GPRIN3: variants seen among roughly 807,000 people sequenced by gnomAD.
GPRIN3 encodes the protein GPRIN family member 3, also known as G protein-regulated inducer of neurite outgrowth 3.
In GPRIN3, 12 loss-of-function variants were observed where a neutral mutation model predicts 13.7. The ratio of observed to expected loss-of-function variants is 0.87; its 90% CI spans 0.56 to 1.42. GPRIN3 has a LOEUF of 1.42. Ranked by LOEUF, GPRIN3 falls within the 40% of genes most tolerant of loss-of-function variation. GPRIN3 has a pLI of 0.00. For missense variants in GPRIN3, 1,009 were observed against 958.7 expected (o/e 1.05, Z -0.69); for synonymous variants, 377 against 372.7 (o/e 1.01, Z -0.13).
intron 1 of GPRIN3, among the ~76,000 whole-genome samples, chr4:89,284,690 A>AT (rs1290175936): frequency 6.6e-6 from 1 of 152,162 alleles, no homozygotes; most frequent in South Asian, 2.1e-4. Flanking sequence ...TCGCCTTTGC[A>AT]AAAATTATAT....
rs1722811281 is a variant in GPRIN3, at chr4:89,237,109, A to G, written c.*10671T>C. On this transcript the variant is annotated 3_prime_UTR_variant, in exon 2 of 2. Transcript: ENST00000609438. ...ACTAAAAAAGGTGTAGGGAAATACC[A>G]TTCTTGAGATGCCAGTACTCCCACC... 2 of 152,026 alleles carry G rather than the reference A, an allele frequency of 1.3e-5. No individual in the cohort carries two copies. The highest frequency in any genetic ancestry group is 4.8e-5 in the African/African-American group (2 of 41,384). 9.4% of individuals were successfully genotyped at this position (152,026 alleles called of 1,614,324 possible). A position where few individuals can be genotyped will look rare whatever the true frequency, so the allele number is the denominator to read the frequency against.
chr4:89,265,554 C>T (rs1165765551), intron 1 of GPRIN3, among the ~76,000 whole-genome samples: 1 of 152,146 alleles, frequency 6.6e-6, no homozygotes, highest in African/African-American at 2.4e-5. Flanking sequence ...ACATTTAAAA[C>T]TTTGTGATGA....
intron 1 of GPRIN3, among the ~76,000 whole-genome samples, chr4:89,267,188 C>T (rs1036618885): frequency 6.6e-6 from 1 of 152,148 alleles, no homozygotes; most frequent in Non-Finnish European, 1.5e-5. Flanking sequence ...AGTCGAACCC[C>T]ATAGCCAAGA....
At chr4:89,289,952 T>C (rs1406642753) in intron 1 of GPRIN3, among the ~76,000 whole-genome samples, 2 of 152,008 alleles carry the variant, frequency 1.3e-5, no homozygotes, top group Admixed American at 1.3e-4. Flanking sequence ...TTTGAAACAT[T>C]GCTTCCCATA....
intron 1 of GPRIN3, among the ~76,000 whole-genome samples, chr4:89,287,152 C>T (rs1724445104): frequency 6.6e-6 from 1 of 152,060 alleles, no homozygotes; most frequent in Admixed American, 6.6e-5. Flanking sequence ...AACATATATA[C>T]AAGACATACA....
At chr4:89,251,021 T>TA (rs1006671708) in intron 1 of GPRIN3, 3 of 151,986 alleles carry the variant, frequency 2.0e-5, no homozygotes, top group Non-Finnish European at 2.9e-5. Flanking sequence ...AAAGATGCTA[T>TA]AAAAAATACA....
intron 1 of GPRIN3, among the ~76,000 whole-genome samples, chr4:89,297,909 T>A (rs999001068): frequency 2.0e-5 from 3 of 152,292 alleles, no homozygotes; most frequent in Middle Eastern, 3.4e-3. Flanking sequence ...AATACACTTG[T>A]GTATCACAAA....
At chr4:89,303,487 T>G (rs1490008241) in intron 1 of GPRIN3, among the ~76,000 whole-genome samples, 3 of 152,188 alleles carry the variant, frequency 2.0e-5, no homozygotes, top group Non-Finnish European at 1.5e-5. Context: ...ATTTATGATG[T>G]TATGGCCACT....
chr4:89,249,304 G>A lies in GPRIN3; in HGVS notation c.807C>T (p.Pro269=), dbSNP rs1230339950. ...GACATGCCGAAGGTTCGCTAGTGAG[G>A]GGGGTTGGTTGAGGTGTCACAGAAG... The part of the protein sequence containing the change: ...GTTSVTPQPT[P]LTSEPSACPP... The change falls in exon 2 of 2, where the codon CCC becomes CCT. Residue 269 remains proline, a synonymous_variant. Coordinates refer to ENST00000609438, the MANE Select transcript of GPRIN3 (RefSeq NM_198281.3). 3 of 1,614,106 alleles carry A rather than the reference G, an allele frequency of 1.9e-6. No homozygotes were observed. The highest frequency in any genetic ancestry group is 1.7e-5 in the Admixed American group (1 of 60,026).
intron 1 of GPRIN3, among the ~76,000 whole-genome samples, chr4:89,258,124 C>T (rs59830924): frequency 0.011 from 1,684 of 151,322 alleles, 33 homozygotes; most frequent in African/African-American, 0.038. Context: ...TCCAGACAAA[C>T]GCCAGAGTAT....
In GPRIN3 at chr4:89,283,251, A is replaced by G. The variant is rs79850168; in HGVS notation, c.-124+24364T>C. Among the ~76,000 whole-genome samples, 990 of 152,322 alleles carry G rather than the reference A, an allele frequency of 6.5e-3. 8 individuals are homozygous for G. The highest frequency in any genetic ancestry group is 0.023 in the African/African-American group (940 of 41,562). On this transcript the variant is annotated intron_variant, in intron 1 of 1. Transcript: ENST00000609438. ...TATCCCAAATTGTTTAACATACACA[A>G]TGTGCCAGGCCTGTGGTGGGTTCTA...
chr4:89,295,971 G>A (rs1382195004), intron 1 of GPRIN3, among the ~76,000 whole-genome samples: 1 of 151,990 alleles, frequency 6.6e-6, no homozygotes, highest in African/African-American at 2.4e-5. Context: ...ATTTTTTGTA[G>A]CATATATTTT....
Position 89,245,088 on chromosome 4 carries a change from G to A in GPRIN3, c.*2692C>T, listed in dbSNP as rs921403487. The A allele has an allele frequency of 3.3e-5, 5 of 152,184 alleles. No individual in the cohort carries two copies. The highest frequency in any genetic ancestry group is 1.2e-4 in the African/African-American group (5 of 41,458). 9.4% of individuals were successfully genotyped at this position (152,184 alleles called of 1,614,324 possible). A position where few individuals can be genotyped will look rare whatever the true frequency, so the allele number is the denominator to read the frequency against. Reference sequence around the variant, plus strand: ...ATGCTATGTCACAGATTGAAGTGAAGGAAAATTCTCAAATAAGGTTTTATT... The same window carrying A: ...ATGCTATGTCACAGATTGAAGTGAAAGAAAATTCTCAAATAAGGTTTTATT... On this transcript the variant is annotated 3_prime_UTR_variant, in exon 2 of 2. Coordinates refer to ENST00000609438, the MANE Select transcript of GPRIN3 (RefSeq NM_198281.3).
In GPRIN3 at chr4:89,247,597, A is replaced by C. The variant is rs1723138557; in HGVS notation, c.*183T>G. On this transcript the variant is annotated 3_prime_UTR_variant, in exon 2 of 2. Transcript: ENST00000609438. ...TTTTCTTGTTCCTTCTTTCAAATTG[A>C]AATGACATTTTTGTTTATAGAGCTC... The C allele has an allele frequency of 3.8e-6, 2 of 527,618 alleles. No individual in the cohort carries two copies. Among genetic ancestry groups the C allele is most frequent in the Non-Finnish European group, 6.6e-6 (2 of 304,370 alleles). The allele number at this position is 527,618 out of a possible 1,614,324, so 32.7% of individuals were successfully genotyped here. A position where few individuals can be genotyped will look rare whatever the true frequency, so the allele number is the denominator to read the frequency against.
At chr4:89,262,001 G>C (rs185607967) in intron 1 of GPRIN3, among the ~76,000 whole-genome samples, 5 of 151,768 alleles carry the variant, frequency 3.3e-5, no homozygotes, top group Admixed American at 2.6e-4. Flanking sequence ...ACGCGCCTGT[G>C]GTCCCAGCTA....
intron 1 of GPRIN3, among the ~76,000 whole-genome samples, chr4:89,288,323 A>C (rs1724479091): frequency 6.6e-6 from 1 of 152,214 alleles, no homozygotes; most frequent in African/African-American, 2.4e-5. Flanking sequence ...TGACACAAAT[A>C]GATTTGATGG....
chr4:89,272,519 C>A (rs567816734), intron 1 of GPRIN3, among the ~76,000 whole-genome samples: 9 of 152,320 alleles, frequency 5.9e-5, no homozygotes, highest in South Asian at 4.1e-4. Flanking sequence ...ACTCTTTGAG[C>A]ATTTAACTCA....
At chr4:89,292,573 G>T (rs1375653595) in intron 1 of GPRIN3, among the ~76,000 whole-genome samples, 1 of 152,166 alleles carries the variant, frequency 6.6e-6, no homozygotes, top group African/African-American at 2.4e-5. Flanking sequence ...AAAAGAGGTT[G>T]AGGGTCACTG....
intron 1 of GPRIN3, among the ~76,000 whole-genome samples, chr4:89,294,435 T>C (rs1478907123): frequency 6.6e-6 from 1 of 152,204 alleles, no homozygotes; most frequent in Non-Finnish European, 1.5e-5. Context: ...TCATACTGTA[T>C]GTGCATTGAG....
Sources: allele counts gnomAD v4.1 joint callset (sites outside exome capture counted in the v4.1 genomes callset), GRCh38; gene constraint gnomAD v4.1.1; transcripts MANE v1.5; gene names NCBI Gene and HGNC (gene_info 2026-07-23, HGNC 2026-07-21).